The following DCHS2 variants were observed in gnomAD, a reference collection of about 807,000 sequenced individuals.
The protein encoded by DCHS2 is dachsous cadherin-related 2, also known as protocadherin-23.
A neutral mutation model predicts 182.4 loss-of-function variants in DCHS2; 142 were observed. The ratio of observed to expected loss-of-function variants is 0.78; its 90% confidence interval spans 0.68 to 0.89. DCHS2 has a LOEUF of 0.89. Ranked by LOEUF, DCHS2 falls within the 40% of genes least tolerant of loss-of-function variation. DCHS2 has a pLI of 0.00. For missense variants in DCHS2, 4,319 were observed against 4,198.6 expected, an observed-to-expected ratio of 1.03 and a Z score of -0.79; for synonymous variants, 1,740 against 1,663.3, an observed-to-expected ratio of 1.05 and a Z score of -1.12.
Position 154,489,478 on chromosome 4 carries a change from C to G in DCHS2, c.1878G>C (p.Gln626His), listed in dbSNP as rs1359875868. 2 of 1,551,732 alleles carry G rather than the reference C, an allele frequency of 1.3e-6. No individual in the cohort carries two copies. Among genetic ancestry groups the G allele is most frequent in the Non-Finnish European group, 1.7e-6 (2 of 1,147,000 alleles). The change falls in exon 1 of 20, where the codon CAG becomes CAC. Residue 626 changes from glutamine (Q) to histidine (H), a missense_variant. Coordinates refer to ENST00000357232, the MANE Select transcript of DCHS2 (RefSeq NM_001358235.2). Reference protein sequence around the residue: ...STIRTLDREVQEAVELKVVAQ... With the variant: ...STIRTLDREVHEAVELKVVAQ... ...CCACCACTTTCAGCTCCACCGCCTC[C>G]TGGACCTCTCGGTCTAGAGTCCGGA...
chr4:154,266,761 G>A (rs1022437392), intron 14 of DCHS2, among the ~76,000 whole-genome samples: 7 of 152,080 alleles, frequency 4.6e-5, no homozygotes, highest in East Asian at 1.9e-4. Flanking sequence ...CTTTATCTGA[G>A]GATTGTATTC....
intron 9 of DCHS2, 128 bp from the exon 10 acceptor site, chr4:154,316,115 G>C (rs1735847733): frequency 7.1e-7 from 1 of 1,402,548 alleles, no homozygotes; most frequent in Non-Finnish European, 9.4e-7. Flanking sequence ...AATATGAACT[G>C]CATTAAATCA....
chr4:154,457,019 A>G (rs2110988787), intron 1 of DCHS2, among the ~76,000 whole-genome samples: 1 of 152,324 alleles, frequency 6.6e-6, no homozygotes, highest in Non-Finnish European at 1.5e-5. Flanking sequence ...TATGAGTTCC[A>G]TGAAGGCATG....
intron 10 of DCHS2, among the ~76,000 whole-genome samples, chr4:154,313,289 T>A (rs1028027956): frequency 3.9e-5 from 6 of 152,146 alleles, no homozygotes; most frequent in Non-Finnish European, 7.3e-5. Context: ...AATACCTTAG[T>A]TAAAATCTGG....
intron 13 of DCHS2, among the ~76,000 whole-genome samples, chr4:154,296,677 A>T (rs1734938891): frequency 1.3e-5 from 2 of 152,182 alleles, no homozygotes; most frequent in Non-Finnish European, 2.9e-5. Flanking sequence ...TTAACTTTTA[A>T]TTTTTTGTTT....
chr4:154,249,958 AAC>A (rs1732271966), intron 16 of DCHS2, among the ~76,000 whole-genome samples: 1 of 152,162 alleles, frequency 6.6e-6, no homozygotes, highest in African/African-American at 2.4e-5. Flanking sequence ...TACATAGTAC[AAC>A]ACACCTATGT....
At chr4:154,376,925 G>T (rs995002052) in intron 2 of DCHS2, among the ~76,000 whole-genome samples, 9 of 152,100 alleles carry the variant, frequency 5.9e-5, no homozygotes, top group Non-Finnish European at 1.0e-4. Context: ...AACTTATTTG[G>T]ATCTTCATTC....
intron 16 of DCHS2, among the ~76,000 whole-genome samples, chr4:154,253,573 A>G (rs556010438): frequency 3.0e-4 from 45 of 152,296 alleles, no homozygotes; most frequent in Non-Finnish European, 5.1e-4. Context: ...GAAAAGTTTC[A>G]TGCTTAAACA....
intron 1 of DCHS2, among the ~76,000 whole-genome samples, chr4:154,415,252 ATCT>A (rs1732788201): frequency 6.6e-6 from 1 of 152,260 alleles, no homozygotes; most frequent in African/African-American, 2.4e-5. Flanking sequence ...TTCATTTCTA[ATCT>A]TCTCTCAAAT....
At chr4:154,350,080 G>A (rs1002601294) in intron 3 of DCHS2, among the ~76,000 whole-genome samples, 1 of 152,162 alleles carries the variant, frequency 6.6e-6, no homozygotes, top group Non-Finnish European at 1.5e-5. Context: ...CTCAGCAACT[G>A]CTTCTTCATT....
At position 154,235,942 on chromosome 4, in the gene DCHS2, C is replaced by T; in HGVS notation, c.8710G>A (p.Ala2904Thr). The change falls in exon 20 of 20, where the codon GCC becomes ACC. Residue 2904 changes from alanine to threonine, a missense_variant. Physicochemically the swap from Ala to Thr is moderately conservative, Grantham distance 58. Coordinates refer to ENST00000357232, the MANE Select transcript of DCHS2 (RefSeq NM_001358235.2). ...TCAATACCAGCATCTGCATCTGAGG[C>T]TTCCACTCTGCCAATCAACTGTCTG... ...KDRQLIGRVEASDADAGIDGV... is the reference protein window; with the variant it reads ...KDRQLIGRVETSDADAGIDGV... 2.5e-6 allele frequency: 4 copies of T among 1,614,018 alleles called. No homozygotes were observed. Among genetic ancestry groups the T allele is most frequent in the Non-Finnish European group, 3.4e-6 (4 of 1,179,944 alleles).
intron 3 of DCHS2, among the ~76,000 whole-genome samples, chr4:154,341,323 C>A (rs1037612156): frequency 6.8e-6 from 1 of 148,144 alleles, no homozygotes; most frequent in Non-Finnish European, 1.5e-5. Flanking sequence ...GAGCCGAGAC[C>A]GCGCCACTGC....
intron 12 of DCHS2, among the ~76,000 whole-genome samples, chr4:154,303,524 GA>G (rs1267605361): frequency 6.8e-6 from 1 of 146,838 alleles, no homozygotes; most frequent in Non-Finnish European, 1.5e-5. Context: ...CACTGGCAGA[GA>G]CTAGCAGAAG....
chr4:154,282,609 A>G (rs1233559477), intron 13 of DCHS2, among the ~76,000 whole-genome samples: 1 of 152,174 alleles, frequency 6.6e-6, no homozygotes, highest in Non-Finnish European at 1.5e-5. Context: ...TATGGAACAT[A>G]GTACAGAGGT....
At chr4:154,408,561 T>C (rs1732493808) in intron 1 of DCHS2, among the ~76,000 whole-genome samples, 1 of 152,230 alleles carries the variant, frequency 6.6e-6, no homozygotes, top group African/African-American at 2.4e-5. Context: ...TCAAATGCAA[T>C]AAAGCAAGAT....
intron 7 of DCHS2, among the ~76,000 whole-genome samples, chr4:154,323,955 T>C (rs1044269836): frequency 6.6e-6 from 1 of 152,114 alleles, no homozygotes; most frequent in Admixed American, 6.5e-5. Flanking sequence ...TGCATTCTGG[T>C]TTATCATCCC....
intron 2 of DCHS2, among the ~76,000 whole-genome samples, chr4:154,375,978 C>T (rs749711555): frequency 1.9e-4 from 29 of 151,972 alleles, no homozygotes; most frequent in Non-Finnish European, 1.9e-4. Flanking sequence ...TCGACAGAAA[C>T]ACATACTGTA....
intron 1 of DCHS2, among the ~76,000 whole-genome samples, chr4:154,443,992 G>A (rs557020757): frequency 9.9e-5 from 15 of 152,132 alleles, no homozygotes; most frequent in African/African-American, 3.6e-4. Flanking sequence ...CATTCTCTTT[G>A]CTTCCAGGAT....
chr4:154,339,843 T>G (rs1257941580), intron 3 of DCHS2, among the ~76,000 whole-genome samples: 1 of 152,148 alleles, frequency 6.6e-6, no homozygotes, highest in Non-Finnish European at 1.5e-5. Context: ...CTATGTAAAG[T>G]TTGAATACAA....
Sources: gnomAD v4.1 joint callset for allele counts (sites outside exome capture counted in the v4.1 genomes callset) on GRCh38, gnomAD v4.1.1 for gene constraint, MANE v1.5 for transcripts, NCBI Gene and HGNC (gene_info 2026-07-23, HGNC 2026-07-21) for gene names.